GPC6: variants seen among roughly 807,000 people sequenced by gnomAD.
GPC6 encodes glypican 6.
GPC6 carries 14 observed loss-of-function variants against 55.2 expected under a neutral mutation model. The observed-to-expected ratio is 0.25, with a 90% CI of 0.17 to 0.40. GPC6 has a LOEUF of 0.40. GPC6 is among the 10% of genes least tolerant of loss of function. The pLI is 1.00. For synonymous variants in GPC6, 278 were observed against 259.6 expected, an observed-to-expected ratio of 1.07 and a Z score of -0.68; for missense variants, 641 against 708.5, an observed-to-expected ratio of 0.90 and a Z score of 1.08.
intron 4 of GPC6, among the ~76,000 whole-genome samples, chr13:94,124,078 T>TCTA (rs1886726281): frequency 6.6e-6 from 1 of 151,808 alleles, no homozygotes. Flanking sequence ...ATTAGAAGAG[T>TCTA]CTACTACCTT....
chr13:93,921,808 G>A lies in GPC6; in HGVS notation c.711+91263G>A, dbSNP rs150691529. On this transcript the variant is annotated intron_variant, in intron 3 of 8. Coordinates refer to ENST00000377047, the MANE Select transcript of GPC6 (RefSeq NM_005708.5). ...TTACATTACCAGGTTTCCAGGCTTGGGGTGCGAAAACAGGAATGCCTGTAC... is the reference window on the plus strand; with the variant it reads ...TTACATTACCAGGTTTCCAGGCTTGAGGTGCGAAAACAGGAATGCCTGTAC... 3.6e-4 allele frequency among the ~76,000 whole-genome samples: 55 copies of A among 151,888 alleles called. No individual in the cohort carries two copies. In the East Asian group the frequency reaches 9.4e-3, roughly 26 times the overall value.
chr13:93,984,532 T>C (rs1030762544), intron 3 of GPC6, among the ~76,000 whole-genome samples: 2 of 152,186 alleles, frequency 1.3e-5, no homozygotes, highest in Non-Finnish European at 1.5e-5. Flanking sequence ...AGTGAAGAAA[T>C]AGTCAAATTC....
At chr13:94,331,485 C>G (rs1357244367) in intron 6 of GPC6, among the ~76,000 whole-genome samples, 1 of 152,012 alleles carries the variant, frequency 6.6e-6, no homozygotes, top group African/African-American at 2.4e-5. Flanking sequence ...TAATCCCAAG[C>G]AGATTTTAAG....
chr13:94,396,073 TGTG>T (rs1880884631), intron 7 of GPC6, among the ~76,000 whole-genome samples: 1 of 152,222 alleles, frequency 6.6e-6, no homozygotes, highest in South Asian at 2.1e-4. Context: ...GGTGCCTCTC[TGTG>T]GTATCAGTTC....
intron 1 of GPC6, among the ~76,000 whole-genome samples, chr13:93,522,971 A>G (rs1162594852): frequency 6.6e-6 from 1 of 151,104 alleles, no homozygotes; most frequent in Non-Finnish European, 1.5e-5. Context: ...TTATTTCTCC[A>G]ATATCATCTA....
At chr13:94,146,061 C>T (rs1475353017) in intron 4 of GPC6, among the ~76,000 whole-genome samples, 2 of 152,124 alleles carry the variant, frequency 1.3e-5, no homozygotes, top group South Asian at 2.1e-4. Context: ...TTCAAAACTG[C>T]GTAAACTTAT....
chr13:93,432,118 T>C (rs1433819823), intron 1 of GPC6, among the ~76,000 whole-genome samples: 2 of 152,160 alleles, frequency 1.3e-5, no homozygotes, highest in Admixed American at 6.5e-5. Flanking sequence ...GGACAGAAGT[T>C]GTTTTTCCTA....
intron 3 of GPC6, among the ~76,000 whole-genome samples, chr13:93,890,712 C>G (rs1875624339): frequency 7.5e-6 from 1 of 132,758 alleles, no homozygotes; most frequent in African/African-American, 3.0e-5. Context: ...ATAAATTTTA[C>G]TTAATTTTTT....
At position 93,899,353 on chromosome 13, in the gene GPC6, C is replaced by T. The variant is rs1030673453; in HGVS notation, c.711+68808C>T. On this transcript the variant is annotated intron_variant, in intron 3 of 8. Coordinates refer to ENST00000377047, the MANE Select transcript of GPC6 (RefSeq NM_005708.5). ...ACTCAGATTTAGTGGCTAAGATCAG[C>T]GTAAGTTGGAGTGGTCAAAAACAAA... 4.6e-5 allele frequency among the ~76,000 whole-genome samples: 7 copies of T among 150,964 alleles called. No individual in the cohort carries two copies. The South Asian group carries it at 6.3e-4, about 13-fold the overall frequency.
Position 93,287,422 on chromosome 13 carries a change from C to T in GPC6, c.160+59806C>T, listed in dbSNP as rs575517722. 2.7e-4 allele frequency among the ~76,000 whole-genome samples: 41 copies of T among 152,288 alleles called. No individual in the cohort carries two copies. The South Asian group carries it at 2.9e-3, about 11-fold the overall frequency. On this transcript the variant is annotated intron_variant, in intron 1 of 8. Coordinates refer to ENST00000377047, the MANE Select transcript of GPC6 (RefSeq NM_005708.5). Reference sequence around the variant, plus strand: ...GGCCGATTCTCGCAGGAGGCCTCCCCGCCTGGTGTCTGTTCTCACCCAGGA... The same window carrying T: ...GGCCGATTCTCGCAGGAGGCCTCCCTGCCTGGTGTCTGTTCTCACCCAGGA...
chr13:93,809,977 T>C (rs912251261), intron 2 of GPC6, among the ~76,000 whole-genome samples: 6 of 152,142 alleles, frequency 3.9e-5, no homozygotes, highest in African/African-American at 1.4e-4. Context: ...GGACTCGGCA[T>C]AGACACTAAA....
chr13:94,000,716 T>A (rs530219085), intron 3 of GPC6, among the ~76,000 whole-genome samples: 3 of 152,268 alleles, frequency 2.0e-5, no homozygotes, highest in Non-Finnish European at 4.4e-5. Flanking sequence ...AAAAAGATAG[T>A]CACCTTGCAT....
At chr13:93,260,208 T>C (rs899473198) in intron 1 of GPC6, among the ~76,000 whole-genome samples, 1 of 152,130 alleles carries the variant, frequency 6.6e-6, no homozygotes, top group African/African-American at 2.4e-5. Flanking sequence ...AATATTAACT[T>C]GTAAAGGGCT....
chr13:93,612,968 A>G (rs1433523727), intron 2 of GPC6, among the ~76,000 whole-genome samples: 1 of 152,164 alleles, frequency 6.6e-6, no homozygotes. Context: ...AATGACTGTT[A>G]TGCTGGAATT....
chr13:93,773,877 A>T (rs1885379047), intron 2 of GPC6, among the ~76,000 whole-genome samples: 1 of 152,178 alleles, frequency 6.6e-6, no homozygotes, highest in Non-Finnish European at 1.5e-5. Flanking sequence ...AGAGCAACTT[A>T]AAATCTTCTT....
intron 3 of GPC6, among the ~76,000 whole-genome samples, chr13:94,008,488 G>C (rs1178100301): frequency 2.6e-5 from 4 of 152,056 alleles, no homozygotes; most frequent in African/African-American, 9.7e-5. Flanking sequence ...GTGACACCCT[G>C]TCTCTATACA....
At chr13:93,901,120 A>T (rs1280230163) in intron 3 of GPC6, among the ~76,000 whole-genome samples, 1 of 152,196 alleles carries the variant, frequency 6.6e-6, no homozygotes, top group Non-Finnish European at 1.5e-5. Flanking sequence ...AACGATGATC[A>T]ATTGACTAAA....
intron 2 of GPC6, among the ~76,000 whole-genome samples, chr13:93,808,691 T>A (rs1008863074): frequency 2.6e-5 from 4 of 152,184 alleles, no homozygotes; most frequent in Admixed American, 6.5e-5. Context: ...TTCCAGAAAG[T>A]ATGAGTGAGG....
At position 93,278,606 on chromosome 13, in the gene GPC6, T is replaced by C. The variant is rs548297082; in HGVS notation, c.160+50990T>C. On this transcript the variant is annotated intron_variant, in intron 1 of 8. Transcript: ENST00000377047. ...TTGCTAAGTGACGTTTTCATTCTTA[T>C]TCACGTACAATAAAACCAGTTAATT... 5.9e-5 allele frequency among the ~76,000 whole-genome samples: 9 copies of C among 152,362 alleles called. No homozygotes were observed. In the South Asian group the frequency reaches 1.9e-3, roughly 32 times the overall value.
Sources: allele counts gnomAD v4.1 joint callset (sites outside exome capture counted in the v4.1 genomes callset), GRCh38; gene constraint gnomAD v4.1.1; transcripts MANE v1.5; gene names NCBI Gene and HGNC (gene_info 2026-07-23, HGNC 2026-07-21).